The following CPNE5 variants were observed in gnomAD, a reference collection of about 807,000 sequenced individuals.
CPNE5 encodes copine 5.
A neutral mutation model predicts 81.1 loss-of-function variants in CPNE5; 42 were observed. The ratio of observed to expected loss-of-function variants is 0.52; its 90% CI spans 0.40 to 0.67. The LOEUF (loss-of-function observed/expected upper bound fraction) is 0.67, where lower values mean the gene tolerates loss of function less well. CPNE5 is among the 30% of genes least tolerant of loss of function. The pLI, the probability that CPNE5 is intolerant of heterozygous loss-of-function variation, is 0.00. For missense variants in CPNE5, 612 were observed against 815.5 expected (o/e 0.75, Z 3.04); for synonymous variants, 313 against 321.5 (o/e 0.97, Z 0.28).
chr6:36,798,486 ACGT>A lies in CPNE5; in HGVS notation c.293_295del (p.Asp98del), dbSNP rs1769797136. 1 of 1,614,002 alleles carries A rather than the reference ACGT, an allele frequency of 6.2e-7. No homozygotes were observed. The highest frequency in any genetic ancestry group is 8.5e-7 in the Non-Finnish European group (1 of 1,179,958). ...GGATAAATCAGGACTCTTAGAGTCAACGTCGTATCTGCAGGGAACACAGAGAAA... is the reference window on the plus strand; with the variant it reads ...GGATAAATCAGGACTCTTAGAGTCAACGTATCTGCAGGGAACACAGAGAAA... On this transcript the variant is annotated inframe_deletion, in exon 5 of 21. Coordinates refer to ENST00000244751, the MANE Select transcript of CPNE5 (RefSeq NM_020939.2).
At chr6:36,829,859 AAAAAAAAAAAT>A (rs1772835456) in intron 1 of CPNE5, among the ~76,000 whole-genome samples, 2 of 147,412 alleles carry the variant, frequency 1.4e-5, no homozygotes, top group African/African-American at 2.5e-5. Flanking sequence ...GCAAAAAAAA[AAAAAAAAAAAT>A]ACCCAACAGG....
intron 8 of CPNE5, among the ~76,000 whole-genome samples, chr6:36,786,936 A>T (rs962329884): frequency 1.3e-5 from 2 of 151,850 alleles, no homozygotes; most frequent in Admixed American, 6.6e-5. Context: ...ATTTTTTTTT[A>T]GCATCAGGAA....
At chr6:36,819,625 CT>C (rs1178234899) in intron 3 of CPNE5, among the ~76,000 whole-genome samples, 1 of 152,166 alleles carries the variant, frequency 6.6e-6, no homozygotes, top group Non-Finnish European at 1.5e-5. Flanking sequence ...TTTATTAAGT[CT>C]TTATTAAGTC....
chr6:36,835,537 T>C (rs374004240), intron 1 of CPNE5, among the ~76,000 whole-genome samples: 24 of 152,340 alleles, frequency 1.6e-4, no homozygotes, highest in African/African-American at 5.5e-4. Flanking sequence ...GGCTGACGCC[T>C]GTAATCCTAG....
intron 3 of CPNE5, among the ~76,000 whole-genome samples, chr6:36,812,666 C>G (rs1057191028): frequency 6.6e-6 from 1 of 152,188 alleles, no homozygotes; most frequent in African/African-American, 2.4e-5. Context: ...GGCCATAGAC[C>G]CATCTAGTCC....
chr6:36,769,190 T>A (rs550398601), intron 10 of CPNE5, among the ~76,000 whole-genome samples: 2 of 152,354 alleles, frequency 1.3e-5, no homozygotes, highest in East Asian at 3.9e-4. Flanking sequence ...ATTTGTTGGC[T>A]GACTGAGAGC....
Position 36,742,181 on chromosome 6 carries a change from C to A in CPNE5, c.*87G>T. On this transcript the variant is annotated 3_prime_UTR_variant, in exon 21 of 21. Coordinates refer to ENST00000244751, the MANE Select transcript of CPNE5 (RefSeq NM_020939.2). ...GCACACAGATGTCCCAAAGGCCGGG[C>A]AGGCCAACTTCGGGGAGTCTGGGGC... The A allele has an allele frequency of 9.3e-7, 1 of 1,080,000 alleles. No homozygotes were observed. The highest frequency in any genetic ancestry group is 1.3e-6 in the Non-Finnish European group (1 of 757,908). 66.9% of individuals were successfully genotyped at this position (1,080,000 alleles called of 1,614,324 possible).
intron 1 of CPNE5, among the ~76,000 whole-genome samples, chr6:36,824,288 G>A (rs1202109313): frequency 6.6e-6 from 1 of 152,186 alleles, no homozygotes; most frequent in East Asian, 1.9e-4. Flanking sequence ...TCACCCTGGA[G>A]ACAGCTCTGC....
At chr6:36,825,283 C>T (rs1383147045) in intron 1 of CPNE5, among the ~76,000 whole-genome samples, 1 of 152,200 alleles carries the variant, frequency 6.6e-6, no homozygotes, top group African/African-American at 2.4e-5. Flanking sequence ...TCCTCTGGTG[C>T]CTGGGGAAGC....
At chr6:36,785,910 G>C (rs1401702125) in intron 8 of CPNE5, among the ~76,000 whole-genome samples, 1 of 151,236 alleles carries the variant, frequency 6.6e-6, no homozygotes, top group Non-Finnish European at 1.5e-5. Context: ...ATACTCGGGA[G>C]GCTGAGGCAG....
chr6:36,757,624 A>G (rs968356598), intron 12 of CPNE5, among the ~76,000 whole-genome samples: 11 of 151,672 alleles, frequency 7.3e-5, no homozygotes, highest in African/African-American at 2.7e-4. Context: ...GGAATCATCT[A>G]TCACCTATGT....
chr6:36,783,377 G>GAAAAAA (rs1768220562), intron 8 of CPNE5, among the ~76,000 whole-genome samples: 1 of 14,392 alleles, frequency 6.9e-5, no homozygotes, highest in Non-Finnish European at 1.6e-4. Context: ...TGCAGTAAAA[G>GAAAAAA]TAAAAAAAAA....
chr6:36,751,436 A>T (rs1764812615), intron 14 of CPNE5, among the ~76,000 whole-genome samples: 1 of 152,214 alleles, frequency 6.6e-6, no homozygotes, highest in South Asian at 2.1e-4. Context: ...AAATGGGGAT[A>T]ACTGTTCTGA....
chr6:36,770,730 C>T (rs533257443), intron 10 of CPNE5, among the ~76,000 whole-genome samples: 4 of 152,184 alleles, frequency 2.6e-5, no homozygotes, highest in Non-Finnish European at 4.4e-5. Context: ...CCTGCTTTAG[C>T]GGTGCCTGGT....
intron 8 of CPNE5, among the ~76,000 whole-genome samples, chr6:36,784,648 T>C (rs1373312897): frequency 6.6e-6 from 1 of 152,142 alleles, no homozygotes; most frequent in African/African-American, 2.4e-5. Context: ...GCACATGAAA[T>C]GCCGTCCCCT....
chr6:36,745,415 A>T lies in CPNE5; in HGVS notation c.1301T>A (p.Phe434Tyr), dbSNP rs748910627. The T allele has an allele frequency of 1.9e-6, 3 of 1,607,698 alleles. No homozygotes were observed. The South Asian group carries it at 3.4e-5, about 18-fold the overall frequency. The change falls in exon 17 of 21, where the codon TTT (phenylalanine) becomes TAT (tyrosine). Residue 434 changes from phenylalanine to tyrosine, a missense_variant. By Grantham distance (22) the Phe-to-Tyr change is conservative. Coordinates refer to ENST00000244751, the MANE Select transcript of CPNE5 (RefSeq NM_020939.2). ...GGCCACGTGGGTGACCACGGGGGCA[A>T]AGTTGGTGGGGCCGTACAGCTGCAC... ...RTVQLYGPTN[F>Y]APVVTHVARN... is the part of the protein sequence containing the mutation.
chr6:36,790,665 T>C (rs1292552273), intron 8 of CPNE5, among the ~76,000 whole-genome samples: 3 of 152,160 alleles, frequency 2.0e-5, no homozygotes, highest in Non-Finnish European at 4.4e-5. Context: ...GGAGCCGAGA[T>C]TCCAATCTCA....
intron 8 of CPNE5, among the ~76,000 whole-genome samples, chr6:36,784,178 GC>G (rs1469816694): frequency 6.6e-6 from 1 of 152,194 alleles, no homozygotes; most frequent in African/African-American, 2.4e-5. Flanking sequence ...TGGGGGGTTG[GC>G]AGCTGATTTT....
chr6:36,745,522 G>A lies in CPNE5; in HGVS notation c.1201-7C>T. The A allele has an allele frequency of 2.5e-6, 4 of 1,598,248 alleles. No homozygotes were observed. Among genetic ancestry groups the A allele is most frequent in the South Asian group, 1.1e-5 (1 of 88,140 alleles). ...GGTTCTCCTGGTTGCCATTCTGGGG[G>A]ACAGAGGGCAGGGAGGCTGAGCCCA... On this transcript the variant is annotated splice_region_variant and splice_polypyrimidine_tract_variant and intron_variant, in intron 16 of 20. Transcript: ENST00000244751.
Sources: gnomAD v4.1 joint callset for allele counts (sites outside exome capture counted in the v4.1 genomes callset) on GRCh38, gnomAD v4.1.1 for gene constraint, MANE v1.5 for transcripts, NCBI Gene and HGNC (gene_info 2026-07-23, HGNC 2026-07-21) for gene names.